SACS: variants seen among roughly 807,000 people sequenced by gnomAD.
SACS encodes the protein sacsin molecular chaperone, also known as sacsin.
SACS carries 197 observed loss-of-function variants against 348.0 expected under a neutral mutation model. The ratio of observed to expected loss-of-function variants is 0.57; its 90% CI spans 0.50 to 0.64. The LOEUF is 0.64. Ranked by LOEUF, SACS falls within the 30% of genes least tolerant of loss-of-function variation. SACS has a pLI of 0.00. For synonymous variants in SACS, 1,985 were observed against 1,910.6 expected, an observed-to-expected ratio of 1.04 and a Z score of -1.02; for missense variants, 4,999 against 5,360.8, an observed-to-expected ratio of 0.93 and a Z score of 2.11.
chr13:23,354,682 C>T lies in SACS; in HGVS notation c.1930G>A (p.Ala644Thr), dbSNP rs1418797343. The T allele has an allele frequency of 6.2e-7, 1 of 1,614,144 alleles. No individual in the cohort carries two copies. The highest frequency in any genetic ancestry group is 1.1e-5 in the South Asian group (1 of 91,076). ...VLRKCAHLGC[A>T]EEKLHLLEFV... ...TCTAGAAGGTGAAGCTTTTCTTCAG[C>T]ACAGCCCAGGTGTGCACACTTCCGC... Residue 644 changes from alanine to threonine, a missense_variant, in exon 8 of 10, where the codon GCT (alanine) becomes ACT (threonine). Ala to Thr is a moderately conservative substitution (Grantham distance 58). Around this residue, in one of 6 missense-constraint regions of SACS, gnomAD observed 3,156 missense variants for 3,380.1 expected, o/e 0.93. Transcript: ENST00000382292.
intron 9 of SACS, among the ~76,000 whole-genome samples, chr13:23,345,126 T>A (rs1397183751): frequency 2.0e-5 from 3 of 152,208 alleles, no homozygotes; most frequent in Non-Finnish European, 4.4e-5. Context: ...GACAGTTTTT[T>A]ATACTTTTCT....
chr13:23,374,212 A>G (rs908093999), intron 3 of SACS, among the ~76,000 whole-genome samples: 4 of 152,266 alleles, frequency 2.6e-5, no homozygotes, highest in African/African-American at 9.6e-5. Flanking sequence ...AGGAGCATGA[A>G]AACAGGTAAT....
At chr13:23,424,402 G>A (rs1316648538) in intron 1 of SACS, among the ~76,000 whole-genome samples, 5 of 152,150 alleles carry the variant, frequency 3.3e-5, no homozygotes, top group Non-Finnish European at 5.9e-5. Context: ...GCGCATGCCT[G>A]TAATCCCAAC....
At chr13:23,416,753 T>TAAA (rs34241276) in intron 1 of SACS, among the ~76,000 whole-genome samples, 4 of 137,834 alleles carry the variant, frequency 2.9e-5, no homozygotes, top group African/African-American at 1.1e-4. Flanking sequence ...AACTCCATCT[T>TAAA]AAAAAAAAAA....
intron 6 of SACS, among the ~76,000 whole-genome samples, chr13:23,361,810 A>G (rs990730446): frequency 2.0e-5 from 3 of 151,946 alleles, no homozygotes; most frequent in African/African-American, 7.2e-5. Context: ...AGGAATAAAC[A>G]TCCTGAGAGA....
chr13:23,432,495 G>A (rs1471229017), intron 1 of SACS, among the ~76,000 whole-genome samples: 2 of 152,140 alleles, frequency 1.3e-5, no homozygotes, highest in African/African-American at 4.8e-5. Context: ...CCCAAAGTGA[G>A]GCTTCAGGGC....
Position 23,389,259 on chromosome 13 carries a change from G to GT in SACS, c.21-13991dup, listed in dbSNP as rs1454996688. ...TTAAGTTACAGGAAGGCTTTAAATA[G>GT]TTACTGTGCTCCTGAAATGATGTGA... On this transcript the variant is annotated intron_variant, in intron 2 of 9. Coordinates refer to ENST00000382292, the MANE Select transcript of SACS (RefSeq NM_014363.6). Among the ~76,000 whole-genome samples, 3 of 152,058 alleles carry GT rather than the reference G, an allele frequency of 2.0e-5. No individual in the cohort carries two copies. In the East Asian group the frequency reaches 5.8e-4, roughly 29 times the overall value.
Position 23,331,239 on chromosome 13 carries a change from C to T in SACS, c.12637G>A (p.Glu4213Lys). 2.5e-6 allele frequency: 4 copies of T among 1,613,926 alleles called. No homozygotes were observed. The highest frequency in any genetic ancestry group is 3.4e-6 in the Non-Finnish European group (4 of 1,179,864). Residue 4213 changes from glutamate to lysine, a missense_variant, in exon 10 of 10, where the codon GAA becomes AAA. Glu to Lys is a moderately conservative substitution (Grantham distance 56). This residue lies in a region of SACS where 831 missense variants were observed against 941.8 expected (regional missense o/e 0.88). Coordinates refer to ENST00000382292, the MANE Select transcript of SACS (RefSeq NM_014363.6). ...AGAAAACTAGAATTGTCAGCATCTTCTCTTTCAACTTCTTGTACAATAATT... is the reference window on the plus strand; with the variant it reads ...AGAAAACTAGAATTGTCAGCATCTTTTCTTTCAACTTCTTGTACAATAATT... ...YAIIVQEVER[E>K]DADNSSFLGK...
chr13:23,414,714 A>G (rs1208676794), intron 1 of SACS, among the ~76,000 whole-genome samples: 1 of 152,234 alleles, frequency 6.6e-6, no homozygotes, highest in Non-Finnish European at 1.5e-5. Context: ...CAATCTTTGG[A>G]TAATATTTCC....
intron 2 of SACS, among the ~76,000 whole-genome samples, chr13:23,410,814 TTCTC>T (rs922818300): frequency 2.6e-5 from 4 of 152,282 alleles, no homozygotes; most frequent in East Asian, 1.9e-4. Context: ...GGAGTTCTCT[TTCTC>T]TCTCCCCTCT....
chr13:23,355,422 C>T lies in SACS; in HGVS notation c.1190G>A (p.Ser397Asn). 1 of 1,614,188 alleles carries T rather than the reference C, an allele frequency of 6.2e-7. No individual in the cohort carries two copies. The highest frequency in any genetic ancestry group is 8.5e-7 in the Non-Finnish European group (1 of 1,180,034). Residue 397 changes from serine (S) to asparagine (N), a missense_variant, in exon 8 of 10, where the codon AGT becomes AAT. Ser to Asn is a conservative substitution (Grantham distance 46). This residue lies in a region of SACS where 3,156 missense variants were observed against 3,380.1 expected (regional missense o/e 0.93). Coordinates refer to ENST00000382292, the MANE Select transcript of SACS (RefSeq NM_014363.6). ...AQKTSWLVCN[S>N]VGGRGISSKL... ...ACTACTGATCCCTCGCCCACCCACA[C>T]TGTTACACACCAACCAAGATGTTTT...
At chr13:23,360,447 G>A (rs1278713393) in intron 6 of SACS, among the ~76,000 whole-genome samples, 2 of 148,834 alleles carry the variant, frequency 1.3e-5, no homozygotes, top group Non-Finnish European at 3.0e-5. Context: ...GCTCGAGAAT[G>A]AACCTCTTGC....
At chr13:23,367,306 A>G (rs1487484499) in intron 5 of SACS, among the ~76,000 whole-genome samples, 7 of 152,126 alleles carry the variant, frequency 4.6e-5, no homozygotes, top group African/African-American at 1.7e-4. Flanking sequence ...CATGATCACT[A>G]AAGACACAAC....
chr13:23,399,296 C>A (rs1872851648), intron 2 of SACS, among the ~76,000 whole-genome samples: 1 of 152,146 alleles, frequency 6.6e-6, no homozygotes. Flanking sequence ...TTCTCGAGAT[C>A]AACTTCCTTG....
Position 23,409,040 on chromosome 13 carries a change from C to CTTTTTTTTTTTTTTT in SACS, c.20+2165_20+2179dup, listed in dbSNP as rs1175897856. On this transcript the variant is annotated intron_variant, in intron 2 of 9. Transcript: ENST00000382292. Reference sequence around the variant, plus strand: ...TATGGTCTTAATAAAACAAGTTTTACTTTTTTTTTTTTTTTTTTTTTTTTT... The same window carrying CTTTTTTTTTTTTTTT: ...TATGGTCTTAATAAAACAAGTTTTACTTTTTTTTTTTTTTTTTTTTTTTTTTTTTTTTTTTTTTTT... Among the ~76,000 whole-genome samples, 348 of 35,146 alleles carry CTTTTTTTTTTTTTTT rather than the reference C, an allele frequency of 9.9e-3. 108 individuals carry two copies. The highest frequency in any genetic ancestry group is 0.011 in the Non-Finnish European group (227 of 20,386). 23.1% of individuals were successfully genotyped at this position (35,146 alleles called of 152,430 possible). A position where few individuals can be genotyped will look rare whatever the true frequency, so the allele number is the denominator to read the frequency against.
chr13:23,409,474 A>G (rs1290704379), intron 2 of SACS, among the ~76,000 whole-genome samples: 1 of 149,426 alleles, frequency 6.7e-6, no homozygotes, highest in Non-Finnish European at 1.5e-5. Flanking sequence ...CTACTGCCTC[A>G]GCCTCCCGAG....
In SACS at chr13:23,385,357, G is replaced by GT. The variant is rs201476512; in HGVS notation, c.21-10089dup. Among the ~76,000 whole-genome samples the GT allele has an allele frequency of 8.4e-4, 124 of 147,464 alleles. No individual in the cohort carries two copies. In the South Asian group the frequency reaches 0.011, roughly 13 times the overall value. ...TGACCTTCTCCCATGAATCATGGAT[G>GT]TTCTTTTTTTTTTTTTTTTGAGATA... On this transcript the variant is annotated intron_variant, in intron 2 of 9. Transcript: ENST00000382292.
chr13:23,366,152 G>A (rs1871046923), intron 5 of SACS, among the ~76,000 whole-genome samples: 1 of 152,140 alleles, frequency 6.6e-6, no homozygotes, highest in Non-Finnish European at 1.5e-5. Context: ...GGTACAGATG[G>A]GCAAAAATTG....
chr13:23,363,198 C>T (rs1243537321), intron 6 of SACS, among the ~76,000 whole-genome samples: 4 of 150,902 alleles, frequency 2.7e-5, no homozygotes, highest in Admixed American at 6.6e-5. Flanking sequence ...CATGAGCCAC[C>T]GCACCTGGCC....
Sources: gnomAD v4.1 joint callset for allele counts (sites outside exome capture counted in the v4.1 genomes callset) on GRCh38, gnomAD v4.1.1 for gene constraint, gnomAD v4.1.1 regional missense constraint, MANE v1.5 for transcripts, NCBI Gene and HGNC (gene_info 2026-07-23, HGNC 2026-07-21) for gene names.